LMNTD1: variants seen among roughly 807,000 people sequenced by gnomAD.
LMNTD1 encodes the protein lamin tail domain containing 1.
A neutral mutation model predicts 50.9 loss-of-function variants in LMNTD1; 35 were observed. The observed-to-expected ratio is 0.69, with a 90% CI of 0.53 to 0.91. The LOEUF (loss-of-function observed/expected upper bound fraction) is 0.91, where lower values mean the gene tolerates loss of function less well. Ranked by LOEUF, LMNTD1 falls within the 40% of genes least tolerant of loss-of-function variation. The probability of loss-of-function intolerance (pLI) is 0.00; values close to 1 mark genes in which losing one functional copy is unlikely to be tolerated. For missense variants in LMNTD1, 470 were observed against 475.5 expected (o/e 0.99, Z 0.11); for synonymous variants, 153 against 161.9 (o/e 0.94, Z 0.42).
chr12:25,513,676 G>T (rs1467715743), intron 8 of LMNTD1, among the ~76,000 whole-genome samples: 1 of 152,084 alleles, frequency 6.6e-6, no homozygotes, highest in Non-Finnish European at 1.5e-5. Context: ...AAACCCATGA[G>T]ACTACAAGCT....
At chr12:25,478,259 A>G (rs957821513) in intron 9 of LMNTD1, among the ~76,000 whole-genome samples, 1 of 152,292 alleles carries the variant, frequency 6.6e-6, no homozygotes, top group Middle Eastern at 3.4e-3. Context: ...TCCTGAGATC[A>G]TACATAATCT....
chr12:25,596,539 G>A (rs1397544224), intron 1 of LMNTD1, among the ~76,000 whole-genome samples: 3 of 151,792 alleles, frequency 2.0e-5, no homozygotes, highest in East Asian at 3.9e-4. Flanking sequence ...TTTATGCCAC[G>A]TTTACAGTAG....
At chr12:25,640,253 T>C (rs1250495505) in intron 1 of LMNTD1, among the ~76,000 whole-genome samples, 1 of 152,114 alleles carries the variant, frequency 6.6e-6, no homozygotes, top group Admixed American at 6.5e-5. Flanking sequence ...CTCACACCCA[T>C]AATCCCAGCA....
At chr12:25,503,892 A>T (rs763420318) in intron 8 of LMNTD1, 92 bp from the exon 9 acceptor site, 68 of 644,970 alleles carry the variant, frequency 1.1e-4, no homozygotes, top group Middle Eastern at 2.6e-4. Flanking sequence ...TGATTTTTCC[A>T]TGTTAAAACA....
At chr12:25,593,230 C>T (rs1002766106) in intron 1 of LMNTD1, among the ~76,000 whole-genome samples, 1 of 152,142 alleles carries the variant, frequency 6.6e-6, no homozygotes, top group African/African-American at 2.4e-5. Context: ...ACTGAAAGCT[C>T]CAATCCTGGC....
chr12:25,558,680 C>T (rs753348530), intron 1 of LMNTD1, among the ~76,000 whole-genome samples: 21 of 152,090 alleles, frequency 1.4e-4, no homozygotes, highest in South Asian at 4.1e-4. Flanking sequence ...ACAATCATAG[C>T]GGAAGACAAA....
intron 1 of LMNTD1, among the ~76,000 whole-genome samples, chr12:25,562,097 C>T (rs1396560491): frequency 2.0e-5 from 3 of 152,130 alleles, no homozygotes; most frequent in Non-Finnish European, 4.4e-5. Context: ...TGTAATTTGC[C>T]ACTCTGTGCC....
At chr12:25,590,987 T>TAGC (rs950185742) in intron 1 of LMNTD1, among the ~76,000 whole-genome samples, 5 of 152,122 alleles carry the variant, frequency 3.3e-5, no homozygotes, top group African/African-American at 4.8e-5. Flanking sequence ...AGTTAAGGCT[T>TAGC]AGCACATGCT....
chr12:25,608,272 T>A (rs1265637777), intron 1 of LMNTD1, among the ~76,000 whole-genome samples: 1 of 152,258 alleles, frequency 6.6e-6, no homozygotes, highest in African/African-American at 2.4e-5. Context: ...CTGATGGATC[T>A]TGACTCTTAA....
At chr12:25,619,674 A>G (rs1023606577) in intron 1 of LMNTD1, among the ~76,000 whole-genome samples, 1 of 152,116 alleles carries the variant, frequency 6.6e-6, no homozygotes, top group Non-Finnish European at 1.5e-5. Flanking sequence ...CATTTTCCCA[A>G]AGCCAATTCC....
At chr12:25,556,428 TAGAG>T (rs1592006369), upstream of LMNTD1, among the ~76,000 whole-genome samples, 1 of 152,212 alleles carries the variant, frequency 6.6e-6, no homozygotes, top group Non-Finnish European at 1.5e-5. Flanking sequence ...ATCCATCTAT[TAGAG>T]AGACCTCCTC....
intron 8 of LMNTD1, among the ~76,000 whole-genome samples, chr12:25,517,832 T>G (rs1176100931): frequency 6.6e-6 from 1 of 151,810 alleles, no homozygotes; most frequent in Non-Finnish European, 1.5e-5. Flanking sequence ...AAAGGTACTG[T>G]TTTGGGGGTG....
At chr12:25,604,331 T>C (rs939184240) in intron 1 of LMNTD1, among the ~76,000 whole-genome samples, 6 of 150,878 alleles carry the variant, frequency 4.0e-5, no homozygotes, top group Non-Finnish European at 5.9e-5. Context: ...TCATGGTTCT[T>C]TATTTATTTA....
intron 8 of LMNTD1, among the ~76,000 whole-genome samples, chr12:25,518,397 G>A (rs1430345125): frequency 6.6e-6 from 1 of 152,148 alleles, no homozygotes; most frequent in African/African-American, 2.4e-5. Flanking sequence ...GAAAGAATTG[G>A]GGATTAACAT....
At chr12:25,522,904 C>A (rs1035540791) in intron 6 of LMNTD1, among the ~76,000 whole-genome samples, 2 of 152,186 alleles carry the variant, frequency 1.3e-5, no homozygotes, top group Admixed American at 1.3e-4. Flanking sequence ...CTAAAAGCCA[C>A]TTTTATATTA....
chr12:25,513,894 A>G (rs1940526568), intron 8 of LMNTD1, among the ~76,000 whole-genome samples: 1 of 152,228 alleles, frequency 6.6e-6, no homozygotes, highest in South Asian at 2.1e-4. Flanking sequence ...ATGAGAAAAT[A>G]TCAATGAAAG....
chr12:25,479,914 T>C (rs1359747266), intron 9 of LMNTD1, among the ~76,000 whole-genome samples: 2 of 152,186 alleles, frequency 1.3e-5, no homozygotes, highest in Non-Finnish European at 2.9e-5. Context: ...GCCGTAGCCA[T>C]GTCAGCCTTG....
intron 1 of LMNTD1, among the ~76,000 whole-genome samples, chr12:25,628,895 A>G (rs933536982): frequency 2.0e-5 from 3 of 152,156 alleles, no homozygotes; most frequent in African/African-American, 7.2e-5. Context: ...TAAGCCATCA[A>G]GTTTTTGGTA....
chr12:25,526,807 G>A lies in LMNTD1; in HGVS notation c.640C>T (p.Leu214Phe), dbSNP rs1255379043. ...NGQTISLYRF[L>F]PNIVMQANST... Reference sequence around the variant, plus strand: ...TTTGCCTGCATTACGATGTTTGGAAGGAATCGGTACAAAGAAATGGTTTGT... The same window carrying A: ...TTTGCCTGCATTACGATGTTTGGAAAGAATCGGTACAAAGAAATGGTTTGT... The change falls in exon 5 of 10, where the codon CTT becomes TTT. Residue 214 changes from leucine to phenylalanine, a missense_variant. Leu to Phe is a conservative substitution (Grantham distance 22). Coordinates refer to ENST00000458174, the MANE Select transcript of LMNTD1 (RefSeq NM_001145728.2). 6 of 1,611,948 alleles carry A rather than the reference G, an allele frequency of 3.7e-6. No individual in the cohort carries two copies. The highest frequency in any genetic ancestry group is 5.1e-6 in the Non-Finnish European group (6 of 1,178,966).
Sources: allele counts gnomAD v4.1 joint callset (sites outside exome capture counted in the v4.1 genomes callset), GRCh38; gene constraint gnomAD v4.1.1; transcripts MANE v1.5; gene names NCBI Gene and HGNC (gene_info 2026-07-23, HGNC 2026-07-21).